Variants in IGFBP7 observed in about 807,000 individuals in gnomAD.
The protein encoded by IGFBP7 is insulin-like growth factor-binding protein 7.
Under a neutral mutation model 29.4 loss-of-function variants are expected in IGFBP7, and 31 were observed. The observed-to-expected ratio is 1.05, with a 90% CI of 0.79 to 1.42. IGFBP7 has a LOEUF of 1.42. Ranked by LOEUF, IGFBP7 falls within the 40% of genes most tolerant of loss-of-function variation. The pLI is 0.00. For synonymous variants in IGFBP7, 172 were observed against 174.9 expected, an observed-to-expected ratio of 0.98 and a Z score of 0.13; for missense variants, 393 against 395.5, an observed-to-expected ratio of 0.99 and a Z score of 0.05.
At chr4:57,087,074 C>G (rs1111626) in intron 1 of IGFBP7, among the ~76,000 whole-genome samples, 139,735 of 152,264 alleles carry the variant, frequency 0.92, 64,312 homozygotes, top group Middle Eastern at 0.98. Flanking sequence ...TACAGGAGAC[C>G]GACACACTGT....
At chr4:57,069,067 T>A (rs891946216) in intron 1 of IGFBP7, among the ~76,000 whole-genome samples, 3 of 152,184 alleles carry the variant, frequency 2.0e-5, no homozygotes, top group Non-Finnish European at 4.4e-5. Flanking sequence ...ATGTGGGTGG[T>A]TGAATCACCA....
intron 1 of IGFBP7, among the ~76,000 whole-genome samples, chr4:57,080,596 T>A (rs1307162340): frequency 5.3e-5 from 8 of 152,200 alleles, no homozygotes; most frequent in Admixed American, 5.2e-4. Flanking sequence ...AGCATGATCA[T>A]GGCTCACTGC....
intron 1 of IGFBP7, among the ~76,000 whole-genome samples, chr4:57,052,797 CAATCTTTGATGCTGAG>C (rs1724538241): frequency 6.6e-6 from 1 of 152,126 alleles, no homozygotes; most frequent in Admixed American, 6.5e-5. Context: ...GTTTTGGGTC[CAATCTTTGATGCTGAG>C]AATCTTCGTA....
intron 1 of IGFBP7, among the ~76,000 whole-genome samples, chr4:57,106,644 T>C (rs1387848338): frequency 6.6e-6 from 1 of 152,160 alleles, no homozygotes; most frequent in Non-Finnish European, 1.5e-5. Context: ...AGAATGACAT[T>C]CTGATTCCAG....
At chr4:57,047,152 G>T (rs1724382977) in intron 1 of IGFBP7, among the ~76,000 whole-genome samples, 2 of 152,272 alleles carry the variant, frequency 1.3e-5, no homozygotes, top group South Asian at 2.1e-4. Flanking sequence ...TCATGGGTTG[G>T]GGGGTACGCG....
At chr4:57,102,609 C>T (rs1360949140) in intron 1 of IGFBP7, among the ~76,000 whole-genome samples, 1 of 152,214 alleles carries the variant, frequency 6.6e-6, no homozygotes, top group Non-Finnish European at 1.5e-5. Context: ...ATTTTTCAGG[C>T]ATCTTCCATT....
intron 1 of IGFBP7, among the ~76,000 whole-genome samples, chr4:57,068,203 T>C (rs929184322): frequency 1.3e-5 from 2 of 150,834 alleles, no homozygotes; most frequent in African/African-American, 4.9e-5. Flanking sequence ...GGTGGGAGAA[T>C]CGCTTGAGCC....
chr4:57,082,452 T>C (rs1204314521), intron 1 of IGFBP7, among the ~76,000 whole-genome samples: 1 of 152,184 alleles, frequency 6.6e-6, no homozygotes, highest in Non-Finnish European at 1.5e-5. Context: ...AATGATGAAC[T>C]GAAATATCAC....
chr4:57,109,697 T>G (rs892360791), intron 1 of IGFBP7, 180 bp downstream of exon 1: 3 of 707,724 alleles, frequency 4.2e-6, no homozygotes, highest in Non-Finnish European at 6.5e-6. Flanking sequence ...AGGGGGGGCG[T>G]CGCCCACCGC....
chr4:57,091,573 T>C (rs1725636441), intron 1 of IGFBP7, among the ~76,000 whole-genome samples: 1 of 152,184 alleles, frequency 6.6e-6, no homozygotes, highest in South Asian at 2.1e-4. Context: ...AAAGGTGATA[T>C]GCATATGAAC....
Position 57,110,245 on chromosome 4 carries a change from T to C in IGFBP7, c.107A>G (p.Glu36Gly). The change falls in exon 1 of 5, where the codon GAG becomes GGG. Residue 36 changes from glutamate (E) to glycine (G), a missense_variant. Physicochemically the swap from Glu to Gly is moderately conservative, Grantham distance 98. Transcript: ENST00000295666. ...GGGCAGGGGCGGGCAGGAGGCCGGC[T>C]CGCAGGGGCCGCAGGTGTCCGAAGA... ...SSSSDTCGPCEPASCPPLPPL... is the reference protein window; with the variant it reads ...SSSSDTCGPCGPASCPPLPPL... The C allele has an allele frequency of 7.2e-7, 1 of 1,391,918 alleles. No homozygotes were observed. Among genetic ancestry groups the C allele is most frequent in the South Asian group, 1.6e-5 (1 of 62,654 alleles). 86.2% of individuals were successfully genotyped at this position (1,391,918 alleles called of 1,614,324 possible). A position where few individuals can be genotyped will look rare whatever the true frequency, so the allele number is the denominator to read the frequency against.
At chr4:57,061,669 C>T (rs1724804009) in intron 1 of IGFBP7, among the ~76,000 whole-genome samples, 2 of 152,112 alleles carry the variant, frequency 1.3e-5, no homozygotes, top group African/African-American at 4.8e-5. Context: ...AATGTAAAAC[C>T]AGAAAGTGTT....
At chr4:57,080,663 G>A (rs2109785766) in intron 1 of IGFBP7, among the ~76,000 whole-genome samples, 1 of 152,212 alleles carries the variant, frequency 6.6e-6, no homozygotes, top group East Asian at 1.9e-4. Context: ...AAGTGGCTGG[G>A]ACTACAGATG....
intron 1 of IGFBP7, among the ~76,000 whole-genome samples, chr4:57,084,788 G>GTTTCTTTTT (rs1725456269): frequency 8.8e-6 from 1 of 113,104 alleles, no homozygotes; most frequent in Non-Finnish European, 1.7e-5. Context: ...TTTAAAAAAG[G>GTTTCTTTTT]TTTTTTTTTT....
chr4:57,085,265 T>C (rs572130364), intron 1 of IGFBP7, among the ~76,000 whole-genome samples: 45 of 152,218 alleles, frequency 3.0e-4, no homozygotes, highest in Non-Finnish European at 5.9e-4. Flanking sequence ...AGTGTTGGCT[T>C]GCTTTCTTGC....
chr4:57,071,544 G>T (rs1201064799), intron 1 of IGFBP7, among the ~76,000 whole-genome samples: 1 of 152,152 alleles, frequency 6.6e-6, no homozygotes, highest in African/African-American at 2.4e-5. Flanking sequence ...AAGGAAATTG[G>T]GTCTCTCTTT....
At chr4:57,097,589 A>G (rs1485117628) in intron 1 of IGFBP7, among the ~76,000 whole-genome samples, 2 of 152,204 alleles carry the variant, frequency 1.3e-5, no homozygotes, top group East Asian at 3.8e-4. Flanking sequence ...AAACATGGAA[A>G]CGAAACAGCA....
intron 1 of IGFBP7, among the ~76,000 whole-genome samples, chr4:57,067,115 T>C (rs17183228): frequency 0.13 from 20,362 of 152,142 alleles, 1,429 homozygotes; most frequent in East Asian, 0.17. Flanking sequence ...GGGAACATTA[T>C]GAGTTGACCC....
intron 1 of IGFBP7, among the ~76,000 whole-genome samples, chr4:57,068,155 A>T (rs1724964307): frequency 6.6e-6 from 1 of 151,740 alleles, no homozygotes; most frequent in Non-Finnish European, 1.5e-5. Context: ...CCCTGTGTGG[A>T]TGTGCATGCC....
Sources: allele counts gnomAD v4.1 joint callset (sites outside exome capture counted in the v4.1 genomes callset), GRCh38; gene constraint gnomAD v4.1.1; transcripts MANE v1.5; gene names NCBI Gene and HGNC (gene_info 2026-07-23, HGNC 2026-07-21).